MAGI2: variants seen among roughly 807,000 people sequenced by gnomAD.
MAGI2 encodes the protein membrane associated guanylate kinase, WW and PDZ domain containing 2, also known as membrane-associated guanylate kinase, WW and PDZ domain-containing protein 2.
Under a neutral mutation model 133.3 loss-of-function variants are expected in MAGI2, and 35 were observed. The observed-to-expected ratio is 0.26, with a 90% CI of 0.20 to 0.35. The LOEUF (loss-of-function observed/expected upper bound fraction) is 0.35. MAGI2 is among the 10% of genes least tolerant of loss of function. The pLI is 1.00. For synonymous variants in MAGI2, 729 were observed against 710.6 expected (o/e 1.03, Z -0.41); for missense variants, 1,636 against 1,863.4 (o/e 0.88, Z 2.25).
At chr7:79,135,141 T>G (rs1218371060) in intron 1 of MAGI2, among the ~76,000 whole-genome samples, 1 of 152,172 alleles carries the variant, frequency 6.6e-6, no homozygotes, top group Non-Finnish European at 1.5e-5. Context: ...ATATGATTTA[T>G]ATGTAAAGTG....
intron 1 of MAGI2, among the ~76,000 whole-genome samples, chr7:79,328,838 T>C (rs1405955872): frequency 6.6e-6 from 1 of 152,212 alleles, no homozygotes; most frequent in African/African-American, 2.4e-5. Context: ...TGGCACGTAA[T>C]TTCTATGTAG....
intron 2 of MAGI2, among the ~76,000 whole-genome samples, chr7:78,702,192 T>C (rs911028069): frequency 6.6e-6 from 1 of 151,998 alleles, no homozygotes; most frequent in South Asian, 2.1e-4. Flanking sequence ...ACATTATTCA[T>C]TTGCCAAAGT....
At chr7:79,160,561 G>C (rs1245260610) in intron 1 of MAGI2, among the ~76,000 whole-genome samples, 3 of 152,006 alleles carry the variant, frequency 2.0e-5, no homozygotes, top group Non-Finnish European at 4.4e-5. Context: ...TTAAATGCTA[G>C]AGAATTTAAG....
chr7:78,153,338 A>G (rs1030510445), intron 16 of MAGI2, among the ~76,000 whole-genome samples: 1 of 152,228 alleles, frequency 6.6e-6, no homozygotes, highest in Non-Finnish European at 1.5e-5. Flanking sequence ...TAAATGTTAC[A>G]TGTGTGCCAA....
chr7:78,887,577 G>A (rs113469617), intron 2 of MAGI2, among the ~76,000 whole-genome samples: 4 of 152,296 alleles, frequency 2.6e-5, no homozygotes, highest in African/African-American at 7.2e-5. Flanking sequence ...CATCGTAGGT[G>A]GCCATTGTCC....
At chr7:79,065,059 T>C (rs1248764902) in intron 1 of MAGI2, among the ~76,000 whole-genome samples, 1 of 152,082 alleles carries the variant, frequency 6.6e-6, no homozygotes, top group African/African-American at 2.4e-5. Context: ...CTGTACTGTA[T>C]TGTAGGAGTC....
chr7:78,309,838 T>C (rs1030062652), intron 9 of MAGI2, among the ~76,000 whole-genome samples: 8 of 83,206 alleles, frequency 9.6e-5, no homozygotes, highest in African/African-American at 4.1e-4. Context: ...AGACCTTTCT[T>C]CTATAGATTA....
intron 1 of MAGI2, among the ~76,000 whole-genome samples, chr7:79,018,499 TA>T (rs1486273795): frequency 6.6e-6 from 1 of 152,190 alleles, no homozygotes; most frequent in Non-Finnish European, 1.5e-5. Flanking sequence ...CATGTCTGCA[TA>T]ATTACGAGCT....
At chr7:78,633,411 A>T (rs913283152) in intron 2 of MAGI2, among the ~76,000 whole-genome samples, 5 of 151,988 alleles carry the variant, frequency 3.3e-5, no homozygotes, top group Admixed American at 6.5e-5. Context: ...GTTTTTTTTT[A>T]AAGTGAGAGA....
chr7:79,425,530 A>C (rs1019907275), intron 1 of MAGI2, among the ~76,000 whole-genome samples: 1 of 150,956 alleles, frequency 6.6e-6, no homozygotes, highest in Admixed American at 6.6e-5. Context: ...TAAAGCTAAC[A>C]AATTATATAT....
intron 21 of MAGI2, among the ~76,000 whole-genome samples, chr7:78,048,856 C>T (rs540242754): frequency 7.2e-5 from 11 of 152,208 alleles, no homozygotes; most frequent in Non-Finnish European, 1.2e-4. Flanking sequence ...TGCCTGTAAT[C>T]CCAGCACTTT....
chr7:78,159,992 C>G (rs760189390), intron 16 of MAGI2, 33 bp downstream of exon 16: 1 of 1,524,976 alleles, frequency 6.6e-7, no homozygotes, highest in Non-Finnish European at 8.8e-7. Context: ...AACAAGACCC[C>G]TTATTCAAAT....
At chr7:78,457,397 G>A (rs778179238) in intron 6 of MAGI2, among the ~76,000 whole-genome samples, 5 of 152,140 alleles carry the variant, frequency 3.3e-5, no homozygotes, top group Non-Finnish European at 5.9e-5. Flanking sequence ...GCCTTAGGTT[G>A]GAAACCAGAA....
chr7:78,181,545 C>A (rs1827187919), intron 13 of MAGI2, among the ~76,000 whole-genome samples: 1 of 152,168 alleles, frequency 6.6e-6, no homozygotes. Flanking sequence ...ACAAAGCATT[C>A]TTTGGATATT....
chr7:78,942,686 T>G (rs899469113), intron 2 of MAGI2, among the ~76,000 whole-genome samples: 1 of 152,110 alleles, frequency 6.6e-6, no homozygotes, highest in Non-Finnish European at 1.5e-5. Context: ...TTTTGTAAAG[T>G]GGCACAAAAT....
intron 1 of MAGI2, among the ~76,000 whole-genome samples, chr7:79,026,581 A>T (rs2116750766): frequency 6.6e-6 from 1 of 152,308 alleles, no homozygotes; most frequent in African/African-American, 2.4e-5. Context: ...CAACTTAAAA[A>T]ATGGGCAAGA....
intron 1 of MAGI2, among the ~76,000 whole-genome samples, chr7:79,015,526 G>C (rs1808614891): frequency 6.6e-6 from 1 of 152,092 alleles, no homozygotes; most frequent in Non-Finnish European, 1.5e-5. Flanking sequence ...GAAATTCCCT[G>C]GCAAATCTCA....
intron 20 of MAGI2, among the ~76,000 whole-genome samples, chr7:78,079,962 C>A (rs1815771933): frequency 6.6e-6 from 1 of 152,202 alleles, no homozygotes; most frequent in African/African-American, 2.4e-5. Context: ...GACAAATTAA[C>A]CAGCAAAAGC....
intron 7 of MAGI2, among the ~76,000 whole-genome samples, chr7:78,362,604 T>C (rs1792941566): frequency 6.6e-6 from 1 of 152,072 alleles, no homozygotes; most frequent in South Asian, 2.1e-4. Flanking sequence ...AATTATAAAA[T>C]CAGCCTGAGT....
Sources: allele counts gnomAD v4.1 joint callset (sites outside exome capture counted in the v4.1 genomes callset), GRCh38; gene constraint gnomAD v4.1.1; transcripts MANE v1.5; gene names NCBI Gene and HGNC (gene_info 2026-07-23, HGNC 2026-07-21).